SDK1: variants seen among roughly 807,000 people sequenced by gnomAD.
SDK1 encodes sidekick cell adhesion molecule 1.
Under a neutral mutation model 245.5 loss-of-function variants are expected in SDK1, and 157 were observed. The observed-to-expected ratio is 0.64, with a 90% CI of 0.56 to 0.73. The LOEUF is 0.73. SDK1 is among the 30% of genes least tolerant of loss of function. The pLI is 0.00. For missense variants in SDK1, 3,583 were observed against 3,002.3 expected (o/e 1.19, Z -4.52); for synonymous variants, 1,647 against 1,278.5 (o/e 1.29, Z -6.15).
intron 2 of SDK1, among the ~76,000 whole-genome samples, chr7:3,629,468 G>A (rs967486216): frequency 1.3e-5 from 2 of 152,110 alleles, no homozygotes. Context: ...AAGATTAGAG[G>A]CAATAGTTCC....
intron 4 of SDK1, among the ~76,000 whole-genome samples, chr7:3,692,292 C>T (rs1784458679): frequency 6.6e-6 from 1 of 151,990 alleles, no homozygotes; most frequent in Non-Finnish European, 1.5e-5. Flanking sequence ...ATCCCACCAG[C>T]CCAAAATAAC....
intron 1 of SDK1, among the ~76,000 whole-genome samples, chr7:3,570,013 T>C (rs1780055972): frequency 1.3e-5 from 2 of 152,194 alleles, no homozygotes; most frequent in African/African-American, 2.4e-5. Context: ...CTGTTTTCTT[T>C]ATAATTCTAA....
chr7:3,529,309 C>T (rs988666125), intron 1 of SDK1, among the ~76,000 whole-genome samples: 1 of 152,136 alleles, frequency 6.6e-6, no homozygotes, highest in African/African-American at 2.4e-5. Context: ...ATTCCATCCT[C>T]TACTAAAAGG....
chr7:3,692,127 T>A (rs1784454753), intron 4 of SDK1, among the ~76,000 whole-genome samples: 1 of 152,172 alleles, frequency 6.6e-6, no homozygotes, highest in African/African-American at 2.4e-5. Context: ...AAGTAAATAC[T>A]TATATTAATA....
At chr7:3,663,251 A>G (rs1783421442) in intron 4 of SDK1, among the ~76,000 whole-genome samples, 1 of 152,236 alleles carries the variant, frequency 6.6e-6, no homozygotes, top group South Asian at 2.1e-4. Context: ...TATAATGATA[A>G]TAGTACAGTG....
intron 5 of SDK1, among the ~76,000 whole-genome samples, chr7:3,850,168 C>A (rs553833851): frequency 6.6e-6 from 1 of 152,180 alleles, no homozygotes; most frequent in African/African-American, 2.4e-5. Flanking sequence ...GGACCCACCC[C>A]CCTTCGAGTC....
intron 4 of SDK1, among the ~76,000 whole-genome samples, chr7:3,759,568 CT>C (rs1215628288): frequency 1.3e-5 from 2 of 149,520 alleles, no homozygotes; most frequent in African/African-American, 5.0e-5. Flanking sequence ...TCTGTTTTTT[CT>C]TTTTAAATTT....
At chr7:4,075,134 C>G (rs1288960798) in intron 20 of SDK1, among the ~76,000 whole-genome samples, 1 of 151,624 alleles carries the variant, frequency 6.6e-6, no homozygotes, top group Non-Finnish European at 1.5e-5. Flanking sequence ...GGCAGCACCA[C>G]TTGGTGACAA....
rs1287466336 is a variant in SDK1, at chr7:3,666,039, A to G, written c.713+23934A>G. ...CACCACCTTTGTTCTGGCCATTGGCATAATTCTGCTTAGATTCCTGCAGGA... is the reference window on the plus strand; with the variant it reads ...CACCACCTTTGTTCTGGCCATTGGCGTAATTCTGCTTAGATTCCTGCAGGA... On this transcript the variant is annotated intron_variant, in intron 4 of 44. Transcript: ENST00000404826. Among the ~76,000 whole-genome samples the G allele has an allele frequency of 3.3e-5, 5 of 152,144 alleles. No individual in the cohort carries two copies. In the East Asian group the frequency reaches 7.7e-4, roughly 24 times the overall value.
intron 34 of SDK1, among the ~76,000 whole-genome samples, chr7:4,177,001 C>G (rs572433329): frequency 6.6e-6 from 1 of 152,336 alleles, no homozygotes; most frequent in African/African-American, 2.4e-5. Context: ...ACACACAGAA[C>G]TTGGCTGGTT....
In SDK1 at chr7:3,315,505, C is replaced by T. The variant is rs532830203; in HGVS notation, c.298+13621C>T. ...ACCAGCTTTCTCTGACATAGGGTCA[C>T]GCATGCACATGCAAGTAGAAAAGGG... On this transcript the variant is annotated intron_variant, in intron 1 of 44. Coordinates refer to ENST00000404826, the MANE Select transcript of SDK1 (RefSeq NM_152744.4). Among the ~76,000 whole-genome samples the T allele has an allele frequency of 4.6e-5, 7 of 152,186 alleles. No homozygotes were observed. The South Asian group carries it at 1.0e-3, about 23-fold the overall frequency.
intron 1 of SDK1, among the ~76,000 whole-genome samples, chr7:3,528,915 A>G (rs1273188825): frequency 6.6e-6 from 1 of 152,114 alleles, no homozygotes; most frequent in African/African-American, 2.4e-5. Context: ...CTTTTGAGGT[A>G]TTACCAGCTA....
intron 4 of SDK1, among the ~76,000 whole-genome samples, chr7:3,779,848 C>T (rs1054287851): frequency 4.0e-5 from 6 of 148,300 alleles, no homozygotes; most frequent in African/African-American, 1.2e-4. Context: ...AGGAGAATGG[C>T]GTGAACCCGG....
At chr7:3,320,173 C>G (rs150750134) in intron 1 of SDK1, among the ~76,000 whole-genome samples, 1 of 151,982 alleles carries the variant, frequency 6.6e-6, no homozygotes, top group African/African-American at 2.4e-5. Context: ...CTCTCCTGCC[C>G]GTCCTTCCCA....
intron 1 of SDK1, among the ~76,000 whole-genome samples, chr7:3,482,953 C>T (rs757963493): frequency 6.6e-6 from 1 of 151,434 alleles, no homozygotes; most frequent in Non-Finnish European, 1.5e-5. Flanking sequence ...ATGATGATTT[C>T]AAGTCTTTTT....
intron 32 of SDK1, among the ~76,000 whole-genome samples, chr7:4,164,395 G>T (rs556760318): frequency 6.6e-6 from 1 of 152,082 alleles, no homozygotes; most frequent in Non-Finnish European, 1.5e-5. Context: ...GTCTTTGGGG[G>T]CCGCTAGACC....
chr7:4,245,563 CTGTGGG>C, intron 43 of SDK1, 107 bp from the exon 44 acceptor site: 1 of 1,263,648 alleles, frequency 7.9e-7, no homozygotes, highest in East Asian at 2.4e-5. Flanking sequence ...ATGTCAAAGG[CTGTGGG>C]TTTCCTCTTA....
chr7:4,265,437 A>T lies in SDK1; in HGVS notation c.*53A>T, dbSNP rs546816386. ...GAACGGAGGCAACTTTCCGGAGTCTATTTTTGTTAAGACAATCAACTCCAA... is the reference window on the plus strand; with the variant it reads ...GAACGGAGGCAACTTTCCGGAGTCTTTTTTTGTTAAGACAATCAACTCCAA... On this transcript the variant is annotated 3_prime_UTR_variant, in exon 45 of 45. Coordinates refer to ENST00000404826, the MANE Select transcript of SDK1 (RefSeq NM_152744.4). The T allele has an allele frequency of 7.1e-7, 1 of 1,400,310 alleles. No homozygotes were observed. Among genetic ancestry groups the T allele is most frequent in the East Asian group, 2.8e-5 (1 of 35,900 alleles). 86.7% of individuals were successfully genotyped at this position (1,400,310 alleles called of 1,614,324 possible).
chr7:3,653,173 G>A (rs577905532), intron 4 of SDK1, among the ~76,000 whole-genome samples: 1 of 152,322 alleles, frequency 6.6e-6, no homozygotes, highest in Non-Finnish European at 1.5e-5. Context: ...TCAGCAGACA[G>A]ATTACTGACG....
Sources: allele counts gnomAD v4.1 joint callset (sites outside exome capture counted in the v4.1 genomes callset), GRCh38; gene constraint gnomAD v4.1.1; transcripts MANE v1.5; gene names NCBI Gene and HGNC (gene_info 2026-07-23, HGNC 2026-07-21).